The following IRGQ variants were observed in gnomAD, a reference collection of about 807,000 sequenced individuals.
IRGQ encodes the protein immunity-related GTPase family Q protein.
A neutral mutation model predicts 10.5 loss-of-function variants in IRGQ; 5 were observed. The observed-to-expected ratio is 0.48, with a 90% CI of 0.25 to 1.00. IRGQ has a LOEUF of 1.00. IRGQ is among the 50% of genes least tolerant of loss of function. The pLI is 0.16. For synonymous variants in IRGQ, 418 were observed against 426.0 expected (o/e 0.98, Z 0.23); for missense variants, 792 against 877.7 (o/e 0.90, Z 1.23).
chr19:43,584,543 GACC>G lies in IRGQ; in HGVS notation c.*7480_*7482del, dbSNP rs1972971579. The G allele has an allele frequency of 2.0e-5, 3 of 152,216 alleles. No individual in the cohort carries two copies. Among genetic ancestry groups the G allele is most frequent in the African/African-American group, 7.2e-5 (3 of 41,454 alleles). 9.4% of individuals were successfully genotyped at this position (152,216 alleles called of 1,614,324 possible). On this transcript the variant is annotated 3_prime_UTR_variant, in exon 3 of 3. Coordinates refer to ENST00000422989, the MANE Select transcript of IRGQ (RefSeq NM_001007561.3). The stretch of plus-strand genomic sequence containing the variant: ...TGGGTCATGTTGTTGGGGAGAAAGA[GACC>G]ACATCACACACAGAGAGAACAAGTC...
At chr19:43,594,210 T>C (rs1194026925) in intron 2 of IRGQ, among the ~76,000 whole-genome samples, 2 of 152,222 alleles carry the variant, frequency 1.3e-5, no homozygotes, top group Admixed American at 6.5e-5. Flanking sequence ...GTCTCACGAC[T>C]GTAATCCCAG....
In IRGQ at chr19:43,595,181, C is replaced by A. The variant is rs780360818; in HGVS notation, c.158G>T (p.Gly53Val). The A allele has an allele frequency of 1.8e-5, 29 of 1,610,816 alleles. No homozygotes were observed. Among genetic ancestry groups the A allele is most frequent in the Non-Finnish European group, 2.4e-5 (28 of 1,179,106 alleles). Residue 53 changes from glycine to valine, a missense_variant, in exon 2 of 3, where the codon GGC becomes GTC. Coordinates refer to ENST00000422989, the MANE Select transcript of IRGQ (RefSeq NM_001007561.3). ...DSGVPSLRAA[G>V]PGLFLGELSC... ...CAGCTCGCCCAGAAAAAGGCCTGGG[C>A]CCGCAGCTCTTAGGCTGGGAACCCC...
Position 43,584,428 on chromosome 19 carries a change from C to T in IRGQ, c.*7598G>A, listed in dbSNP as rs1972970688. ...ATGTCATAGGCACTATTATTCACAT[C>T]TCTGTTTTCAGGAGACATCAGAGGC... On this transcript the variant is annotated 3_prime_UTR_variant, in exon 3 of 3. Coordinates refer to ENST00000422989, the MANE Select transcript of IRGQ (RefSeq NM_001007561.3). 1 of 152,168 alleles carries T rather than the reference C, an allele frequency of 6.6e-6. No homozygotes were observed. Among genetic ancestry groups the T allele is most frequent in the South Asian group, 2.1e-4 (1 of 4,822 alleles). The allele number at this position is 152,168 out of a possible 1,614,324, so 9.4% of individuals were successfully genotyped here.
In IRGQ at chr19:43,590,326, C is replaced by G. The variant is rs1475073606; in HGVS notation, c.*1700G>C. On this transcript the variant is annotated 3_prime_UTR_variant, in exon 3 of 3. Transcript: ENST00000422989. Reference sequence around the variant, plus strand: ...CTGTTGGGCCTCAAGCCTGCCCTCTCTGGACTTTGCTCTTTCTGTCTACGA... The same window carrying G: ...CTGTTGGGCCTCAAGCCTGCCCTCTGTGGACTTTGCTCTTTCTGTCTACGA... The G allele has an allele frequency of 6.6e-6, 1 of 152,260 alleles. No individual in the cohort carries two copies. The highest frequency in any genetic ancestry group is 2.4e-5 in the African/African-American group (1 of 41,434). The allele number at this position is 152,260 out of a possible 1,614,324, so 9.4% of individuals were successfully genotyped here. A position where few individuals can be genotyped will look rare whatever the true frequency, so the allele number is the denominator to read the frequency against.
At position 43,588,196 on chromosome 19, in the gene IRGQ, C is replaced by T. The variant is rs1383978586; in HGVS notation, c.*3830G>A. The T allele has an allele frequency of 6.6e-6, 1 of 152,018 alleles. No homozygotes were observed. Among genetic ancestry groups the T allele is most frequent in the African/African-American group, 2.4e-5 (1 of 41,398 alleles). 9.4% of individuals were successfully genotyped at this position (152,018 alleles called of 1,614,324 possible). A position where few individuals can be genotyped will look rare whatever the true frequency, so the allele number is the denominator to read the frequency against. On this transcript the variant is annotated 3_prime_UTR_variant, in exon 3 of 3. Transcript: ENST00000422989. ...CCTATAATCCCAGCACTTTGGGAGG[C>T]TGAGGCCGGTGGATCACCTGAGGTC... is the stretch of plus-strand genomic sequence containing the variant.
At chr19:43,595,783 C>A (rs567512691) in intron 1 of IRGQ, among the ~76,000 whole-genome samples, 199 bp downstream of exon 1, 28 of 152,242 alleles carry the variant, frequency 1.8e-4, no homozygotes, top group African/African-American at 6.5e-4. Context: ...AAGGCTGCGG[C>A]GGGAGGATCG....
At position 43,592,806 on chromosome 19, in the gene IRGQ, A is replaced by G. The variant is rs1011604226; in HGVS notation, c.1092T>C (p.Asn364=). The G allele has an allele frequency of 1.9e-6, 3 of 1,613,958 alleles. No individual in the cohort carries two copies. Among genetic ancestry groups the G allele is most frequent in the South Asian group, 1.1e-5 (1 of 91,090 alleles). The change falls in exon 3 of 3, where the codon AAT becomes AAC. Residue 364 remains asparagine, a synonymous_variant. Transcript: ENST00000422989. Reference sequence around the variant, plus strand: ...ATTTCTCCCTTCCCTTACTGAGTGCATTCTCCAATCCCCCTCCACCTGCGT... The same window carrying G: ...ATTTCTCCCTTCCCTTACTGAGTGCGTTCTCCAATCCCCCTCCACCTGCGT... ...LKNAGGGGLE[N]ALSKGREKCS...
chr19:43,593,184 C>A lies in IRGQ; in HGVS notation c.714G>T (p.Val238=). 1 of 1,566,326 alleles carries A rather than the reference C, an allele frequency of 6.4e-7. No individual in the cohort carries two copies. Among genetic ancestry groups the A allele is most frequent in the South Asian group, 1.2e-5 (1 of 86,626 alleles). ...AVAGKADVGL[V]VDMLLGLDPG... ...GATCCAATCCAAGCAGCATGTCCAC[C>A]ACAAGGCCCACGTCAGCCTTGCCAG... Residue 238 remains valine, a synonymous_variant, in exon 3 of 3, where the codon GTG becomes GTT. Coordinates refer to ENST00000422989, the MANE Select transcript of IRGQ (RefSeq NM_001007561.3). The surrounding 1 kb of genome is among the most constrained non-coding windows in gnomAD (Gnocchi z 6.4).
chr19:43,593,289 G>T lies in IRGQ; in HGVS notation c.609C>A (p.Thr203=). 2.5e-6 allele frequency: 4 copies of T among 1,589,832 alleles called. No homozygotes were observed. Among genetic ancestry groups the T allele is most frequent in the Non-Finnish European group, 2.6e-6 (3 of 1,167,128 alleles). The change falls in exon 3 of 3, where the codon ACC becomes ACA. Residue 203 remains threonine, a synonymous_variant. Coordinates refer to ENST00000422989, the MANE Select transcript of IRGQ (RefSeq NM_001007561.3). The surrounding 1 kb of genome is among the most constrained non-coding windows in gnomAD (Gnocchi z 6.4). ...ACGACAGCGCAGCCTCAAGGCCGCC[G>T]GTCTCAAAGGCCTCACGCACAGCCT... ...ELEAVREAFE[T]GGLEAALSWV...
rs1343125379 is a variant in IRGQ at position 43,587,206 on chromosome 19, T to A, written c.*4820A>T. On this transcript the variant is annotated 3_prime_UTR_variant, in exon 3 of 3. Coordinates refer to ENST00000422989, the MANE Select transcript of IRGQ (RefSeq NM_001007561.3). ...TTAGCCAGGCATGGTGGCATACACC[T>A]GTAGTCCCAGCTACTCAGGAGGATG... 1.3e-5 allele frequency: 2 copies of A among 152,150 alleles called. No homozygotes were observed. The highest frequency in any genetic ancestry group is 2.9e-5 in the Non-Finnish European group (2 of 68,050). 9.4% of individuals were successfully genotyped at this position (152,150 alleles called of 1,614,324 possible). A position where few individuals can be genotyped will look rare whatever the true frequency, so the allele number is the denominator to read the frequency against.
chr19:43,590,602 G>C lies in IRGQ; in HGVS notation c.*1424C>G, dbSNP rs1417513485. 6.6e-6 allele frequency: 1 copy of C among 152,228 alleles called. No homozygotes were observed. Among genetic ancestry groups the C allele is most frequent in the African/African-American group, 2.4e-5 (1 of 41,460 alleles). 9.4% of individuals were successfully genotyped at this position (152,228 alleles called of 1,614,324 possible). Reference sequence around the variant, plus strand: ...ACATCAGAAAGCAGAGCCTCTTGGGGATACCCGAGGTGTCCATACAGAAGT... The same window carrying C: ...ACATCAGAAAGCAGAGCCTCTTGGGCATACCCGAGGTGTCCATACAGAAGT... On this transcript the variant is annotated 3_prime_UTR_variant, in exon 3 of 3. Coordinates refer to ENST00000422989, the MANE Select transcript of IRGQ (RefSeq NM_001007561.3).
In IRGQ at chr19:43,591,618, C is replaced by T. The variant is rs557108389; in HGVS notation, c.*408G>A. On this transcript the variant is annotated 3_prime_UTR_variant, in exon 3 of 3. Transcript: ENST00000422989. ...ATCCTAGCACTTTGGGAGGCCGGAG[C>T]GGGTCGATCGCCTGAGGTCAGGAGT... 8 of 159,470 alleles carry T rather than the reference C, an allele frequency of 5.0e-5. No individual in the cohort carries two copies. Among genetic ancestry groups the T allele is most frequent in the Admixed American group, 3.7e-4 (6 of 16,026 alleles). The allele number at this position is 159,470 out of a possible 1,614,324, so 9.9% of individuals were successfully genotyped here. A position where few individuals can be genotyped will look rare whatever the true frequency, so the allele number is the denominator to read the frequency against.
At position 43,589,636 on chromosome 19, in the gene IRGQ, G is replaced by A. The variant is rs896091313; in HGVS notation, c.*2390C>T. On this transcript the variant is annotated 3_prime_UTR_variant, in exon 3 of 3. Transcript: ENST00000422989. ...GCACCTATTGTGTCAGGCACCTATT[G>A]TTCTAGATGCTGGGGAAACAACAGA... 5 of 152,190 alleles carry A rather than the reference G, an allele frequency of 3.3e-5. No individual in the cohort carries two copies. Among genetic ancestry groups the A allele is most frequent in the Non-Finnish European group, 5.9e-5 (4 of 68,052 alleles). 9.4% of individuals were successfully genotyped at this position (152,190 alleles called of 1,614,324 possible).
chr19:43,594,817 C>G lies in IRGQ; in HGVS notation c.522G>C (p.Ala174=), dbSNP rs1030401891. 6.2e-7 allele frequency: 1 copy of G among 1,603,426 alleles called. No homozygotes were observed. The highest frequency in any genetic ancestry group is 1.3e-5 in the African/African-American group (1 of 74,712). ...AGAAAGCCGGCACTCACCTCCGCAG[C>G]GCTTCTGCCTGGCTCTGCAGCGCCG... ...LRAALQSQAE[A]LRRLLPPAQD... The change falls in exon 2 of 3, where the codon GCG becomes GCC. Residue 174 remains alanine, a synonymous_variant. Transcript: ENST00000422989.
In IRGQ at chr19:43,592,991, CGAG is replaced by C. The variant is rs1973082169; in HGVS notation, c.904_906del (p.Leu302del). 1.9e-6 allele frequency: 3 copies of C among 1,608,678 alleles called. No individual in the cohort carries two copies. Among genetic ancestry groups the C allele is most frequent in the Non-Finnish European group, 2.5e-6 (3 of 1,179,604 alleles). ...TTCTCAGTGGGGGCCCCAGGGGTGACGAGGATGAGGGCGTCGTAGTGCGTTGGG... is the reference window on the plus strand; with the variant it reads ...TTCTCAGTGGGGGCCCCAGGGGTGACGATGAGGGCGTCGTAGTGCGTTGGG... On this transcript the variant is annotated inframe_deletion, in exon 3 of 3. Transcript: ENST00000422989.
intron 1 of IRGQ, 101 bp from the exon 2 acceptor site, chr19:43,595,441 T>A: frequency 9.0e-7 from 1 of 1,111,502 alleles, no homozygotes; most frequent in South Asian, 1.7e-5. Context: ...CTTCACCCTG[T>A]CCCCTTCGGT....
Position 43,595,195 on chromosome 19 carries a change from G to A in IRGQ, c.144C>T (p.Ser48=). 1.2e-6 allele frequency: 2 copies of A among 1,612,128 alleles called. No individual in the cohort carries two copies. Among genetic ancestry groups the A allele is most frequent in the Non-Finnish European group, 1.7e-6 (2 of 1,179,588 alleles). Reference sequence around the variant, plus strand: ...AAAGGCCTGGGCCCGCAGCTCTTAGGCTGGGAACCCCGGAGTCCGGCCGTC... The same window carrying A: ...AAAGGCCTGGGCCCGCAGCTCTTAGACTGGGAACCCCGGAGTCCGGCCGTC... The part of the protein sequence containing the change: ...PEGRPDSGVP[S]LRAAGPGLFL... The change falls in exon 2 of 3, where the codon AGC becomes AGT. Residue 48 remains serine (S), a synonymous_variant. Coordinates refer to ENST00000422989, the MANE Select transcript of IRGQ (RefSeq NM_001007561.3).
Position 43,595,276 on chromosome 19 carries a change from G to C in IRGQ, c.63C>G (p.Ser21=), listed in dbSNP as rs750976657. ...LFLGPPGLGK[S]ALIAALCDKD... is the part of the protein sequence containing the mutation. ...TGTCGCACAGCGCTGCGATCAGCGC[G>C]GACTTCCCCAAGCCCGGAGGCCCCA... is the stretch of plus-strand genomic sequence containing the variant. Residue 21 remains serine, a synonymous_variant, in exon 2 of 3, where the codon TCC becomes TCG. Coordinates refer to ENST00000422989, the MANE Select transcript of IRGQ (RefSeq NM_001007561.3). 1 of 1,603,994 alleles carries C rather than the reference G, an allele frequency of 6.2e-7. No individual in the cohort carries two copies. The highest frequency in any genetic ancestry group is 1.7e-4 in the Middle Eastern group (1 of 6,022).
rs1205887001 is a variant in IRGQ at position 43,586,802 on chromosome 19, G to T, written c.*5224C>A. 3 of 152,164 alleles carry T rather than the reference G, an allele frequency of 2.0e-5. No homozygotes were observed. The highest frequency in any genetic ancestry group is 2.0e-4 in the Admixed American group (3 of 15,282). 9.4% of individuals were successfully genotyped at this position (152,164 alleles called of 1,614,324 possible). On this transcript the variant is annotated 3_prime_UTR_variant, in exon 3 of 3. Transcript: ENST00000422989. ...TGTGTGCCTGCATGTACATACATACGCTGAATTCTCACCATAACCATGTGA... is the reference window on the plus strand; with the variant it reads ...TGTGTGCCTGCATGTACATACATACTCTGAATTCTCACCATAACCATGTGA...
Sources: allele counts gnomAD v4.1 joint callset (sites outside exome capture counted in the v4.1 genomes callset), GRCh38; gene constraint gnomAD v4.1.1; non-coding constraint Gnocchi (gnomAD v3.1); transcripts MANE v1.5; gene names NCBI Gene and HGNC (gene_info 2026-07-23, HGNC 2026-07-21).